The following CPEB1 variants were observed in gnomAD, a reference collection of about 807,000 sequenced individuals.
The protein encoded by CPEB1 is cytoplasmic polyadenylation element-binding protein 1.
A neutral mutation model predicts 65.8 loss-of-function variants in CPEB1; 7 were observed. That is an observed-to-expected ratio of 0.11 (90% confidence interval 0.06 to 0.20). The LOEUF (loss-of-function observed/expected upper bound fraction) is 0.20, where lower values mean the gene tolerates loss of function less well. Among genes scored for constraint, CPEB1 ranks in the 10% least tolerant of loss-of-function variants. CPEB1 has a pLI of 1.00. For missense variants in CPEB1, 551 were observed against 712.2 expected, an observed-to-expected ratio of 0.77 and a Z score of 2.58; for synonymous variants, 262 against 260.0, an observed-to-expected ratio of 1.01 and a Z score of -0.08.
chr15:82,601,574 A>C (rs2043123711), intron 3 of CPEB1, among the ~76,000 whole-genome samples: 1 of 152,104 alleles, frequency 6.6e-6, no homozygotes, highest in Non-Finnish European at 1.5e-5. Flanking sequence ...TTTCTATTTC[A>C]GAACTATAAA....
intron 3 of CPEB1, among the ~76,000 whole-genome samples, chr15:82,574,652 G>A (rs2040440549): frequency 6.8e-6 from 1 of 146,780 alleles, no homozygotes; most frequent in African/African-American, 2.5e-5. Flanking sequence ...GCCCAGGAAG[G>A]GGAGAGGTTG....
intron 1 of CPEB1, among the ~76,000 whole-genome samples, chr15:82,646,492 G>T (rs1338886656): frequency 6.6e-6 from 1 of 152,158 alleles, no homozygotes; most frequent in Non-Finnish European, 1.5e-5. Context: ...TCCCAGGCGG[G>T]CCTGGCGGGA....
intron 3 of CPEB1, among the ~76,000 whole-genome samples, chr15:82,614,277 T>A (rs1418188860): frequency 1.3e-5 from 2 of 152,196 alleles, no homozygotes; most frequent in African/African-American, 2.4e-5. Context: ...AGTGCTGGGA[T>A]TACAGGCACG....
chr15:82,620,356 C>T (rs1030411623), intron 3 of CPEB1, among the ~76,000 whole-genome samples: 9 of 149,410 alleles, frequency 6.0e-5, no homozygotes, highest in Non-Finnish European at 1.3e-4. Context: ...ACCTGGGAGG[C>T]GGAGGATGCA....
intron 4 of CPEB1, 123 bp downstream of exon 4, chr15:82,571,221 T>G: frequency 7.2e-6 from 9 of 1,254,870 alleles, no homozygotes; most frequent in Non-Finnish European, 7.5e-6. Context: ...AACAGCTCCA[T>G]GTTGTATGTG....
intron 1 of CPEB1, among the ~76,000 whole-genome samples, chr15:82,646,446 G>A (rs2047535965): frequency 6.6e-6 from 1 of 152,196 alleles, no homozygotes; most frequent in Admixed American, 6.5e-5. Flanking sequence ...GGCCGGGGCT[G>A]CAGGCGCGGG....
intron 4 of CPEB1, among the ~76,000 whole-genome samples, chr15:82,568,974 C>T (rs1445509747): frequency 4.6e-5 from 7 of 152,158 alleles, no homozygotes; most frequent in African/African-American, 1.7e-4. Context: ...CCAAGCAGAG[C>T]TCAAGGAATA....
At chr15:82,644,823 T>C (rs899367015) in intron 1 of CPEB1, among the ~76,000 whole-genome samples, 6 of 152,234 alleles carry the variant, frequency 3.9e-5, no homozygotes, top group African/African-American at 1.4e-4. Context: ...TTGTGCTCAG[T>C]GAAAATGCTT....
intron 3 of CPEB1, among the ~76,000 whole-genome samples, chr15:82,579,370 G>A (rs927680607): frequency 2.0e-5 from 3 of 152,022 alleles, no homozygotes; most frequent in African/African-American, 4.8e-5. Context: ...TTGAGGCTAC[G>A]ATGAACCATG....
At chr15:82,578,752 G>A (rs2040925117) in intron 3 of CPEB1, among the ~76,000 whole-genome samples, 1 of 152,052 alleles carries the variant, frequency 6.6e-6, no homozygotes, top group Non-Finnish European at 1.5e-5. Flanking sequence ...GCAAGATTCT[G>A]TCTCAAAAAA....
chr15:82,640,839 A>G (rs954194548), intron 1 of CPEB1: 4 of 152,002 alleles, frequency 2.6e-5, no homozygotes, highest in Non-Finnish European at 5.9e-5. Context: ...ACTGTGAAGA[A>G]TGCGGCATTT....
chr15:82,581,350 C>T (rs574818750), intron 3 of CPEB1, among the ~76,000 whole-genome samples: 1 of 152,310 alleles, frequency 6.6e-6, no homozygotes, highest in Non-Finnish European at 1.5e-5. Flanking sequence ...CACTGATGGA[C>T]ACCTGGGTTG....
At chr15:82,567,048 TAGAC>T (rs933546303) in intron 4 of CPEB1, among the ~76,000 whole-genome samples, 4 of 152,206 alleles carry the variant, frequency 2.6e-5, no homozygotes, top group East Asian at 1.9e-4. Flanking sequence ...AAATATGTAT[TAGAC>T]AGCCATTAGC....
intron 3 of CPEB1, among the ~76,000 whole-genome samples, chr15:82,603,071 G>C (rs2043258350): frequency 6.6e-6 from 1 of 152,016 alleles, no homozygotes; most frequent in Non-Finnish European, 1.5e-5. Context: ...GCTGAATCTT[G>C]GTAAGAACAA....
intron 1 of CPEB1, among the ~76,000 whole-genome samples, chr15:82,642,231 G>A (rs780175303): frequency 3.0e-4 from 45 of 152,156 alleles, no homozygotes; most frequent in Non-Finnish European, 5.6e-4. Context: ...GCAATGTTGG[G>A]TGCAAAGGAA....
rs12441593 is a variant in CPEB1, at chr15:82,551,274, A to G, written c.1281+1206T>C. Among the ~76,000 whole-genome samples the G allele has an allele frequency of 6.4e-3, 974 of 152,286 alleles. 23 individuals are homozygous for G. The highest frequency in any genetic ancestry group is 0.054 in the Admixed American group (832 of 15,302). On this transcript the variant is annotated intron_variant, in intron 9 of 12. Transcript: ENST00000684509. The stretch of plus-strand genomic sequence containing the variant: ...CCTCTTACCCTATAGATTTTTTTAG[A>G]GAAGCTTTAAGGTTTACAGTAAATC...
In CPEB1 at chr15:82,627,387, G is replaced by T. The variant is rs757156470; in HGVS notation, c.97-20C>A. The stretch of plus-strand genomic sequence containing the variant: ...TTCTTCCTAGACACAGAAAAAAAAA[G>T]ATATTTAGGTTTTCTACACTCCTTT... On this transcript the variant is annotated intron_variant, in intron 2 of 12. Transcript: ENST00000684509. 1 of 1,584,454 alleles carries T rather than the reference G, an allele frequency of 6.3e-7. No homozygotes were observed. The highest frequency in any genetic ancestry group is 8.6e-7 in the Non-Finnish European group (1 of 1,165,722).
intron 1 of CPEB1, chr15:82,633,025 A>G (rs1429810822): frequency 2.0e-5 from 3 of 152,130 alleles, no homozygotes; most frequent in Non-Finnish European, 4.4e-5. Flanking sequence ...TTATTCTACT[A>G]TTGCCTGACA....
intron 1 of CPEB1, among the ~76,000 whole-genome samples, chr15:82,642,483 G>A (rs951491760): frequency 1.3e-5 from 2 of 152,194 alleles, no homozygotes; most frequent in Admixed American, 6.5e-5. Flanking sequence ...GGAGCTTTGA[G>A]GCTGCAGTAA....
Sources: allele counts gnomAD v4.1 joint callset (sites outside exome capture counted in the v4.1 genomes callset), GRCh38; gene constraint gnomAD v4.1.1; transcripts MANE v1.5; gene names NCBI Gene and HGNC (gene_info 2026-07-23, HGNC 2026-07-21).